The following FGF14 variants were observed in gnomAD, a reference collection of about 807,000 sequenced individuals.
The protein encoded by FGF14 is fibroblast growth factor homologous factor 4.
FGF14 carries 5 observed loss-of-function variants against 25.5 expected under a neutral mutation model. That is an observed-to-expected ratio of 0.20 (90% CI 0.10 to 0.41). The LOEUF is 0.41. Among genes scored for constraint, FGF14 ranks in the 10% least tolerant of loss-of-function variants. FGF14 has a pLI of 1.00. For missense variants in FGF14, 222 were observed against 320.1 expected (o/e 0.69, Z 2.34); for synonymous variants, 138 against 118.3 (o/e 1.17, Z -1.08).
intron 1 of FGF14, among the ~76,000 whole-genome samples, chr13:102,285,438 T>C (rs747024332): frequency 7.2e-5 from 11 of 152,216 alleles, no homozygotes; most frequent in Non-Finnish European, 1.5e-4. Context: ...GGGTAAATGC[T>C]AGTTAAGACT....
Position 101,791,142 on chromosome 13 carries a change from C to A in FGF14, c.409-64332G>T, listed in dbSNP as rs550279006. On this transcript the variant is annotated intron_variant, in intron 3 of 4. Coordinates refer to ENST00000376143, the MANE Select transcript of FGF14 (RefSeq NM_004115.4). ...TCTCTTCCCCTTTACAGCTGGGTGG[C>A]CTTGAATAAACACAAAACCTCTCAA... Among the ~76,000 whole-genome samples the A allele has an allele frequency of 2.1e-4, 32 of 152,216 alleles. 2 individuals are homozygous for A. The South Asian group carries it at 5.2e-3, about 25-fold the overall frequency.
At chr13:102,058,493 A>G (rs1044744127) in intron 1 of FGF14, among the ~76,000 whole-genome samples, 1 of 152,230 alleles carries the variant, frequency 6.6e-6, no homozygotes, top group African/African-American at 2.4e-5. Context: ...AATGAAGTGT[A>G]TAATTCCTAT....
At chr13:102,230,442 TA>T (rs2051030060) in intron 1 of FGF14, among the ~76,000 whole-genome samples, 1 of 152,062 alleles carries the variant, frequency 6.6e-6, no homozygotes, top group Non-Finnish European at 1.5e-5. Context: ...CAAAGTAAAA[TA>T]AAAGGGTCCT....
chr13:102,013,846 G>C (rs569800748), intron 1 of FGF14, among the ~76,000 whole-genome samples: 60 of 152,188 alleles, frequency 3.9e-4, no homozygotes, highest in African/African-American at 1.3e-3. Flanking sequence ...ATATCTTTGG[G>C]TGGAGAGATG....
chr13:102,164,177 C>T (rs1594234703), intron 1 of FGF14, among the ~76,000 whole-genome samples: 2 of 152,136 alleles, frequency 1.3e-5, no homozygotes, highest in East Asian at 1.9e-4. Context: ...CCACAGGACA[C>T]GAGCAAGAAA....
intron 1 of FGF14, among the ~76,000 whole-genome samples, chr13:102,245,935 C>A (rs1009784516): frequency 6.6e-6 from 1 of 151,996 alleles, no homozygotes; most frequent in Non-Finnish European, 1.5e-5. Flanking sequence ...TGGTAAAAAC[C>A]GGATGCCTTC....
chr13:101,965,391 A>G (rs1298193012), intron 1 of FGF14, among the ~76,000 whole-genome samples: 1 of 152,214 alleles, frequency 6.6e-6, no homozygotes, highest in Non-Finnish European at 1.5e-5. Context: ...ATAACTTCAC[A>G]GTCTGCTCAC....
At chr13:102,134,147 T>C (rs2046314329) in intron 1 of FGF14, among the ~76,000 whole-genome samples, 1 of 152,202 alleles carries the variant, frequency 6.6e-6, no homozygotes, top group African/African-American at 2.4e-5. Flanking sequence ...GTAAGAAGAC[T>C]AAAATCTCTT....
chr13:101,915,750 T>C (rs1452838730), intron 1 of FGF14, among the ~76,000 whole-genome samples: 2 of 152,106 alleles, frequency 1.3e-5, no homozygotes, highest in Non-Finnish European at 2.9e-5. Context: ...AACTGACACA[T>C]ATTAGGGATT....
At chr13:102,137,906 G>A (rs1341978288) in intron 1 of FGF14, among the ~76,000 whole-genome samples, 1 of 150,416 alleles carries the variant, frequency 6.6e-6, no homozygotes, top group Admixed American at 6.6e-5. Flanking sequence ...GTGGGCCTCA[G>A]TCCAGGGTGA....
intron 1 of FGF14, among the ~76,000 whole-genome samples, chr13:102,087,185 G>T (rs185747841): frequency 7.5e-4 from 114 of 152,198 alleles, no homozygotes; most frequent in Non-Finnish European, 1.2e-3. Context: ...GTTAGGAAAG[G>T]TCTTTGTGTA....
intron 1 of FGF14, among the ~76,000 whole-genome samples, chr13:101,999,808 T>A (rs562717110): frequency 6.6e-5 from 10 of 152,298 alleles, no homozygotes; most frequent in Non-Finnish European, 1.5e-4. Flanking sequence ...CAGGCCCTTA[T>A]CTTCTGACTC....
intron 3 of FGF14, among the ~76,000 whole-genome samples, chr13:101,767,927 A>C (rs187205221): frequency 9.2e-5 from 14 of 152,334 alleles, no homozygotes; most frequent in African/African-American, 3.4e-4. Context: ...TTTTGAATAC[A>C]GAGCTAAGAG....
chr13:101,930,397 T>C (rs986244642), intron 1 of FGF14, among the ~76,000 whole-genome samples: 1 of 152,216 alleles, frequency 6.6e-6, no homozygotes, highest in Non-Finnish European at 1.5e-5. Context: ...TGGGTAAACA[T>C]ACTTCATTGT....
At chr13:101,949,335 A>C (rs9585821) in intron 1 of FGF14, among the ~76,000 whole-genome samples, 26,592 of 152,002 alleles carry the variant, frequency 0.17, 2,993 homozygotes, top group African/African-American at 0.32. Flanking sequence ...ATGGTGACAC[A>C]GTTCTGATGA....
intron 3 of FGF14, among the ~76,000 whole-genome samples, chr13:101,756,944 G>C (rs2037708287): frequency 6.6e-6 from 1 of 152,138 alleles, no homozygotes. Flanking sequence ...TGTATTCATA[G>C]TGTTGCAAAT....
At chr13:102,019,501 C>A (rs565443784) in intron 1 of FGF14, among the ~76,000 whole-genome samples, 1 of 152,202 alleles carries the variant, frequency 6.6e-6, no homozygotes, top group South Asian at 2.1e-4. Flanking sequence ...CCCTGGATAC[C>A]CCTGAGGCTG....
chr13:102,028,745 T>C (rs898815245), intron 1 of FGF14, among the ~76,000 whole-genome samples: 1 of 152,138 alleles, frequency 6.6e-6, no homozygotes, highest in African/African-American at 2.4e-5. Context: ...AAGCTTTAAA[T>C]CACAGATGCC....
Position 101,769,354 on chromosome 13 carries a change from T to TAA in FGF14, c.409-42546_409-42545dup, listed in dbSNP as rs60380900. On this transcript the variant is annotated intron_variant, in intron 3 of 4. Transcript: ENST00000376143. ...AACTCTCATTCACTGCTGGTGGGAATAAAAAAAAAATGGTACAACCACTTT... is the reference window on the plus strand; with the variant it reads ...AACTCTCATTCACTGCTGGTGGGAATAAAAAAAAAAAATGGTACAACCACTTT... Among the ~76,000 whole-genome samples the TAA allele has an allele frequency of 2.8e-4, 42 of 149,900 alleles. 1 individual carries two copies. Among genetic ancestry groups the TAA allele is most frequent in the South Asian group, 6.3e-4 (3 of 4,742 alleles).
Sources: allele counts gnomAD v4.1 joint callset (sites outside exome capture counted in the v4.1 genomes callset), GRCh38; gene constraint gnomAD v4.1.1; transcripts MANE v1.5; gene names NCBI Gene and HGNC (gene_info 2026-07-23, HGNC 2026-07-21).